Variants in LYST observed in about 807,000 individuals in gnomAD.
LYST encodes lysosomal-trafficking regulator.
In LYST, 192 loss-of-function variants were observed where a neutral mutation model predicts 413.6. That is an observed-to-expected ratio of 0.46 (90% CI 0.41 to 0.52). LYST has a LOEUF of 0.52. Among genes scored for constraint, LYST ranks in the 20% least tolerant of loss-of-function variants. The pLI is 0.00. For missense variants in LYST, 3,815 were observed against 4,499.9 expected (o/e 0.85, Z 4.35); for synonymous variants, 1,525 against 1,567.3 (o/e 0.97, Z 0.64).
At chr1:235,808,276 A>G (rs1489970462) in intron 5 of LYST, among the ~76,000 whole-genome samples, 179 bp downstream of exon 5, 3 of 152,238 alleles carry the variant, frequency 2.0e-5, no homozygotes, top group African/African-American at 7.2e-5. Context: ...ACAAATTGAA[A>G]TTAAATCCTA....
intron 3 of LYST, among the ~76,000 whole-genome samples, chr1:235,814,326 T>C (rs1387888898): frequency 2.6e-5 from 4 of 152,014 alleles, no homozygotes; most frequent in Non-Finnish European, 5.9e-5. Flanking sequence ...AAATATGAAG[T>C]AAATAACAAG....
At chr1:235,822,294 A>G (rs1674830989) in intron 3 of LYST, among the ~76,000 whole-genome samples, 1 of 152,204 alleles carries the variant, frequency 6.6e-6, no homozygotes. Flanking sequence ...CCCACAGAAG[A>G]TAATTATATT....
chr1:235,868,901 G>A (rs1321778360), upstream of LYST, among the ~76,000 whole-genome samples: 1 of 151,880 alleles, frequency 6.6e-6, no homozygotes, highest in African/African-American at 2.4e-5. Flanking sequence ...CATCATGTTG[G>A]TCAGGCTGGT....
Position 235,751,336 on chromosome 1 carries a change from C to T in LYST, c.7654G>A (p.Val2552Ile). 1 of 1,613,686 alleles carries T rather than the reference C, an allele frequency of 6.2e-7. No homozygotes were observed. The highest frequency in any genetic ancestry group is 1.3e-5 in the African/African-American group (1 of 75,012). ...ATAAATTCCATAGCAGCCTGGAGAA[C>T]TCTAAGCTGTAGTGCAACAGCCATA... ...QNMAVALQLR[V>I]LQAAMEFIRT... Residue 2552 changes from valine (V) to isoleucine (I), a missense_variant, in exon 28 of 53, where the codon GTT (valine) becomes ATT (isoleucine). Transcript: ENST00000389793.
chr1:235,785,771 A>G (rs534386816), intron 14 of LYST, among the ~76,000 whole-genome samples: 7 of 152,300 alleles, frequency 4.6e-5, no homozygotes, highest in African/African-American at 1.4e-4. Flanking sequence ...TACAGTTTCG[A>G]ATTCTCTATC....
At chr1:235,864,346 C>T (rs757803872) in intron 1 of LYST, among the ~76,000 whole-genome samples, 34 of 152,144 alleles carry the variant, frequency 2.2e-4, no homozygotes, top group Non-Finnish European at 4.3e-4. Context: ...TCCCACCCTT[C>T]TCCCCACCAA....
chr1:235,702,719 G>A, intron 45 of LYST, 28 bp downstream of exon 45: 2 of 1,575,706 alleles, frequency 1.3e-6, no homozygotes, highest in Non-Finnish European at 1.7e-6. Context: ...AGGTTTTGCT[G>A]CACTCGATTG....
rs765837584 is a variant in LYST at position 235,810,168 on chromosome 1, T to A, written c.650A>T (p.Asp217Val). 2.0e-5 allele frequency: 33 copies of A among 1,614,054 alleles called. No homozygotes were observed. Among genetic ancestry groups the A allele is most frequent in the Middle Eastern group, 1.6e-4 (1 of 6,082 alleles). The change falls in exon 5 of 53, where the codon GAT (aspartate) becomes GTT (valine). Residue 217 changes from aspartate to valine, a missense_variant. Around this residue, in one of 4 missense-constraint regions of LYST, gnomAD observed 1,648 missense variants for 1,810.3 expected, o/e 0.91. Transcript: ENST00000389793. ...TCTGGAATTTTCCAAAGCCATAGCA[T>A]CTGGAGGAGTCTGTTCTTTGGTTGC... ...RLATKEQTPP[D>V]AMALENSREI...
chr1:235,767,732 T>C (rs1346234836), intron 20 of LYST, among the ~76,000 whole-genome samples: 1 of 152,126 alleles, frequency 6.6e-6, no homozygotes, highest in Non-Finnish European at 1.5e-5. Context: ...TTGTTCTCAC[T>C]GCCTTCAATG....
Position 235,787,224 on chromosome 1 carries a change from A to T in LYST, c.4838T>A (p.Ile1613Asn). 3.1e-6 allele frequency: 5 copies of T among 1,613,618 alleles called. No homozygotes were observed. Among genetic ancestry groups the T allele is most frequent in the Non-Finnish European group, 4.2e-6 (5 of 1,179,754 alleles). Residue 1613 changes from isoleucine (I) to asparagine (N), a missense_variant, in exon 14 of 53, where the codon ATC becomes AAC. Ile to Asn is a moderately radical substitution (Grantham distance 149). This residue lies in a region of LYST where 530 missense variants were observed against 696.5 expected (regional missense o/e 0.76). Coordinates refer to ENST00000389793, the MANE Select transcript of LYST (RefSeq NM_000081.4). ...PQGKRRIHGK[I>N]SIWVSGQRKP... is the part of the protein sequence containing the mutation. ...CCTCTGTCCAGAGACCCATATGGAG[A>T]TTTTCCCATGAATCCTCCTTTTCCC...
chr1:235,867,213 C>G (rs187508290), upstream of LYST, among the ~76,000 whole-genome samples: 19 of 152,346 alleles, frequency 1.2e-4, no homozygotes, highest in Non-Finnish European at 2.2e-4. Flanking sequence ...CGCACCTCCT[C>G]CCAGGGCTCT....
At chr1:235,719,358 G>C (rs1415303909) in intron 40 of LYST, among the ~76,000 whole-genome samples, 1 of 151,938 alleles carries the variant, frequency 6.6e-6, no homozygotes, top group African/African-American at 2.4e-5. Context: ...TAGTTTCCTC[G>C]CTTTCTGACA....
At chr1:235,773,227 GA>G (rs1273462847) in intron 19 of LYST, among the ~76,000 whole-genome samples, 1 of 151,770 alleles carries the variant, frequency 6.6e-6, no homozygotes, top group African/African-American at 2.4e-5. Flanking sequence ...GCTGAGGTAG[GA>G]GTATCATCTG....
intron 43 of LYST, 84 bp downstream of exon 43, chr1:235,711,972 TA>T: frequency 8.7e-7 from 1 of 1,152,090 alleles, no homozygotes; most frequent in Non-Finnish European, 1.2e-6. Context: ...TTTTAGGACT[TA>T]AAAAAGCTAT....
At chr1:235,761,049 T>C (rs1473793121) in intron 22 of LYST, among the ~76,000 whole-genome samples, 4 of 151,748 alleles carry the variant, frequency 2.6e-5, no homozygotes, top group African/African-American at 4.8e-5. Context: ...AGCCCAAGAG[T>C]TCAAGACCAG....
intron 3 of LYST, among the ~76,000 whole-genome samples, chr1:235,824,517 A>C (rs538133701): frequency 6.6e-6 from 1 of 152,250 alleles, no homozygotes; most frequent in East Asian, 1.9e-4. Context: ...GACTAAAGTC[A>C]CTCATCTAGT....
Position 235,827,633 on chromosome 1 carries a change from T to C in LYST, c.192+2593A>G, listed in dbSNP as rs566452082. ...AAAGAACTAAATGTTGATAAAGGCC[T>C]ATGTTTTAAATGGCTATTTATTTTC... is the stretch of plus-strand genomic sequence containing the variant. On this transcript the variant is annotated intron_variant, in intron 3 of 52. Coordinates refer to ENST00000389793, the MANE Select transcript of LYST (RefSeq NM_000081.4). 2.1e-5 allele frequency: 21 copies of C among 984,776 alleles called. No homozygotes were observed. In the South Asian group the frequency reaches 9.4e-4, roughly 44 times the overall value. 61.0% of individuals were successfully genotyped at this position (984,776 alleles called of 1,614,324 possible).
At chr1:235,758,861 T>A in intron 23 of LYST, 111 bp downstream of exon 23, 1 of 901,076 alleles carries the variant, frequency 1.1e-6, no homozygotes, top group Non-Finnish European at 1.8e-6. Flanking sequence ...AAATAAACTT[T>A]TCTGTTTGTT....
At chr1:235,882,838 G>A (rs947444531) in intron 1 of LYST, among the ~76,000 whole-genome samples, 3 of 152,090 alleles carry the variant, frequency 2.0e-5, no homozygotes, top group African/African-American at 7.2e-5. Flanking sequence ...TATTGAGTGA[G>A]TCCTTATAAC....
Sources: allele counts gnomAD v4.1 joint callset (sites outside exome capture counted in the v4.1 genomes callset), GRCh38; gene constraint gnomAD v4.1.1; regional missense constraint gnomAD v4.1.1; transcripts MANE v1.5; gene names NCBI Gene and HGNC (gene_info 2026-07-23, HGNC 2026-07-21).